SCFD2: variants seen among roughly 807,000 people sequenced by gnomAD.
SCFD2 encodes the protein sec1 family domain containing 2.
A neutral mutation model predicts 58.9 loss-of-function variants in SCFD2; 54 were observed. The ratio of observed to expected loss-of-function variants is 0.92; its 90% CI spans 0.74 to 1.15. SCFD2 has a LOEUF of 1.15. Among genes scored for constraint, SCFD2 ranks in the 50% most tolerant of loss-of-function variants. The probability of loss-of-function intolerance (pLI) is 0.00; values close to 1 mark genes in which losing one functional copy is unlikely to be tolerated. For synonymous variants in SCFD2, 321 were observed against 335.9 expected (o/e 0.96, Z 0.49); for missense variants, 805 against 836.6 (o/e 0.96, Z 0.47).
intron 5 of SCFD2, among the ~76,000 whole-genome samples, chr4:53,139,487 C>A (rs1257468659): frequency 7.4e-6 from 1 of 134,764 alleles, no homozygotes; most frequent in East Asian, 2.1e-4. Flanking sequence ...CGTCTCTGAC[C>A]GGCCGCCCAG....
chr4:53,238,582 G>A (rs1729769081), intron 4 of SCFD2, among the ~76,000 whole-genome samples: 1 of 151,850 alleles, frequency 6.6e-6, no homozygotes, highest in African/African-American at 2.4e-5. Context: ...CTGCCGGGCG[G>A]AGGGGCTCCT....
At chr4:53,330,912 A>C (rs1166091245) in intron 2 of SCFD2, among the ~76,000 whole-genome samples, 2 of 152,058 alleles carry the variant, frequency 1.3e-5, no homozygotes, top group African/African-American at 4.8e-5. Context: ...TCTACCAAGC[A>C]AATGGAAAAC....
At chr4:53,293,183 C>T (rs1029440781) in intron 3 of SCFD2, among the ~76,000 whole-genome samples, 8 of 152,068 alleles carry the variant, frequency 5.3e-5, no homozygotes, top group African/African-American at 1.9e-4. Context: ...AGACATTATC[C>T]TCAGCAATCT....
chr4:53,214,681 CTT>C, intron 4 of SCFD2, among the ~76,000 whole-genome samples: 2 of 152,042 alleles, frequency 1.3e-5, no homozygotes, highest in Non-Finnish European at 2.9e-5. Context: ...TCAATTTTGG[CTT>C]TTGTTGCCAT....
chr4:53,257,744 AT>A (rs558617354), intron 4 of SCFD2, among the ~76,000 whole-genome samples: 42 of 151,126 alleles, frequency 2.8e-4, no homozygotes, highest in African/African-American at 9.2e-4. Context: ...TGGAGATTAT[AT>A]TTTTTTGCCT....
At chr4:53,303,277 G>A (rs548816280) in intron 3 of SCFD2, among the ~76,000 whole-genome samples, 113 of 151,644 alleles carry the variant, frequency 7.5e-4, no homozygotes, top group African/African-American at 2.3e-3. Flanking sequence ...CAAACCCATC[G>A]AAAAGTGGGC....
intron 3 of SCFD2, among the ~76,000 whole-genome samples, chr4:53,297,100 A>G (rs1345620893): frequency 6.6e-6 from 1 of 152,196 alleles, no homozygotes; most frequent in Non-Finnish European, 1.5e-5. Flanking sequence ...GGTGCTGAGA[A>G]GAATGTATAT....
At chr4:53,033,996 CAG>C (rs1241599882) in intron 5 of SCFD2, among the ~76,000 whole-genome samples, 1 of 152,130 alleles carries the variant, frequency 6.6e-6, no homozygotes. Flanking sequence ...CAAAACCTGG[CAG>C]AGACACAACA....
At chr4:53,217,410 C>G (rs1197065019) in intron 4 of SCFD2, among the ~76,000 whole-genome samples, 1 of 151,628 alleles carries the variant, frequency 6.6e-6, no homozygotes, top group Non-Finnish European at 1.5e-5. Flanking sequence ...ATGGCCTTGT[C>G]TCTTTTGATC....
intron 4 of SCFD2, among the ~76,000 whole-genome samples, chr4:53,232,771 T>A (rs953858866): frequency 3.3e-5 from 5 of 152,166 alleles, no homozygotes; most frequent in African/African-American, 1.2e-4. Context: ...ACTTCAAGCA[T>A]CAACACATTC....
chr4:53,106,547 AAC>A (rs1236626903), intron 5 of SCFD2, among the ~76,000 whole-genome samples: 37 of 152,334 alleles, frequency 2.4e-4, no homozygotes, highest in African/African-American at 8.2e-4. Context: ...GGAGCTGAAA[AAC>A]ACAGAGAACT....
intron 5 of SCFD2, among the ~76,000 whole-genome samples, chr4:53,099,438 G>A (rs532048001): frequency 1.3e-5 from 2 of 152,134 alleles, no homozygotes. Flanking sequence ...ACTTTGTGTT[G>A]CTATGAAGGA....
chr4:53,140,412 T>TATATATATATATATATATATAA (rs1560353891), intron 5 of SCFD2, among the ~76,000 whole-genome samples: 3 of 143,518 alleles, frequency 2.1e-5, no homozygotes, highest in African/African-American at 7.7e-5. Context: ...TATATATATA[T>TATATATATATATATATATATAA]AAATTTTAAT....
intron 5 of SCFD2, among the ~76,000 whole-genome samples, chr4:52,928,737 G>GTTATTGCTC: frequency 6.6e-6 from 1 of 152,118 alleles, no homozygotes; most frequent in Non-Finnish European, 1.5e-5. Context: ...AATGACAAAG[G>GTTATTGCTC]AAGACAGGTG....
chr4:53,120,966 C>T (rs1725461388), intron 5 of SCFD2, among the ~76,000 whole-genome samples: 1 of 152,236 alleles, frequency 6.6e-6, no homozygotes, highest in South Asian at 2.1e-4. Context: ...TCCCCACACA[C>T]TCAGGAGTTC....
intron 4 of SCFD2, among the ~76,000 whole-genome samples, chr4:53,161,596 C>T (rs971655444): frequency 2.6e-5 from 4 of 152,048 alleles, no homozygotes; most frequent in Non-Finnish European, 5.9e-5. Flanking sequence ...TCCCATCTCT[C>T]GGGAAATGAT....
chr4:53,141,192 G>T (rs192684989), intron 5 of SCFD2, among the ~76,000 whole-genome samples: 122 of 152,162 alleles, frequency 8.0e-4, no homozygotes, highest in African/African-American at 2.7e-3. Context: ...CAAAAAAACA[G>T]CCAATGATAA....
intron 5 of SCFD2, among the ~76,000 whole-genome samples, chr4:53,025,743 C>G (rs1722460351): frequency 6.6e-6 from 1 of 152,074 alleles, no homozygotes; most frequent in African/African-American, 2.4e-5. Flanking sequence ...AGGACGAGGC[C>G]CCTGTGGCCT....
At chr4:53,287,577 T>G (rs1731709417) in intron 3 of SCFD2, among the ~76,000 whole-genome samples, 1 of 152,104 alleles carries the variant, frequency 6.6e-6, no homozygotes, top group South Asian at 2.1e-4. Context: ...AAAACTCACC[T>G]GCAGGTGAAA....
Sources: gnomAD v4.1 joint callset for allele counts (sites outside exome capture counted in the v4.1 genomes callset) on GRCh38, gnomAD v4.1.1 for gene constraint, MANE v1.5 for transcripts, NCBI Gene and HGNC (gene_info 2026-07-23, HGNC 2026-07-21) for gene names.